GPC6: variants seen among roughly 807,000 people sequenced by gnomAD.
GPC6 encodes glypican-6.
In GPC6, 14 loss-of-function variants were observed where a neutral mutation model predicts 55.2. The ratio of observed to expected loss-of-function variants is 0.25; its 90% CI spans 0.17 to 0.40. GPC6 has a LOEUF of 0.40. GPC6 is among the 10% of genes least tolerant of loss of function. The pLI, the probability that GPC6 is intolerant of heterozygous loss-of-function variation, is 1.00. For missense variants in GPC6, 641 were observed against 708.5 expected (o/e 0.90, Z 1.08); for synonymous variants, 278 against 259.6 (o/e 1.07, Z -0.68).
intron 2 of GPC6, among the ~76,000 whole-genome samples, chr13:93,813,445 T>C (rs936781552): frequency 6.6e-6 from 1 of 152,170 alleles, no homozygotes; most frequent in Non-Finnish European, 1.5e-5. Context: ...CATATTTATT[T>C]ATAATAAGAA....
intron 4 of GPC6, among the ~76,000 whole-genome samples, chr13:94,113,307 T>G (rs1886315125): frequency 1.3e-5 from 2 of 152,104 alleles, no homozygotes; most frequent in South Asian, 4.1e-4. Context: ...AGTCTTGAGT[T>G]TTTATTTTTA....
intron 1 of GPC6, among the ~76,000 whole-genome samples, chr13:93,349,420 T>C (rs1212304580): frequency 6.6e-6 from 1 of 152,134 alleles, no homozygotes; most frequent in Non-Finnish European, 1.5e-5. Context: ...AGATTAGTTC[T>C]TCCTCTGCAG....
chr13:93,738,554 G>A (rs953689483), intron 2 of GPC6, among the ~76,000 whole-genome samples: 1 of 152,092 alleles, frequency 6.6e-6, no homozygotes, highest in African/African-American at 2.4e-5. Context: ...GAGCCAAAGA[G>A]ATTGTCAGCA....
At chr13:93,464,585 G>C (rs1878835818) in intron 1 of GPC6, among the ~76,000 whole-genome samples, 1 of 152,140 alleles carries the variant, frequency 6.6e-6, no homozygotes. Flanking sequence ...CACATCTTCA[G>C]TCTCCACTTC....
chr13:93,570,446 CAG>C (rs1876345543), intron 2 of GPC6, among the ~76,000 whole-genome samples: 2 of 152,052 alleles, frequency 1.3e-5, no homozygotes, highest in Non-Finnish European at 2.9e-5. Context: ...ATGTATTATG[CAG>C]AGTTATTTTA....
rs111679717 is a variant in GPC6 at position 94,223,580 on chromosome 13, G to A, written c.878-62769G>A. On this transcript the variant is annotated intron_variant, in intron 4 of 8. Transcript: ENST00000377047. ...TGCCAAGATGTTTTTTCCTCCCTGC[G>A]TAGCTCCATGAGGATAAAAATGCAA... Among the ~76,000 whole-genome samples the A allele has an allele frequency of 6.6e-3, 1,008 of 152,168 alleles. 14 individuals carry two copies. Among genetic ancestry groups the A allele is most frequent in the African/African-American group, 0.022 (928 of 41,516 alleles).
chr13:94,017,326 A>G (rs1217489465), intron 3 of GPC6, among the ~76,000 whole-genome samples: 1 of 152,124 alleles, frequency 6.6e-6, no homozygotes, highest in Non-Finnish European at 1.5e-5. Flanking sequence ...AAGAAGTATG[A>G]CTGGGTAATT....
intron 7 of GPC6, among the ~76,000 whole-genome samples, chr13:94,391,796 C>T (rs1261821372): frequency 6.6e-6 from 1 of 151,940 alleles, no homozygotes; most frequent in Non-Finnish European, 1.5e-5. Context: ...AACATAAATT[C>T]CCTCCCCTCT....
At chr13:94,261,898 T>G (rs1891668657) in intron 4 of GPC6, among the ~76,000 whole-genome samples, 1 of 152,228 alleles carries the variant, frequency 6.6e-6, no homozygotes, top group South Asian at 2.1e-4. Context: ...GGCTGTTCTT[T>G]TTCAGAAGCT....
intron 2 of GPC6, among the ~76,000 whole-genome samples, chr13:93,593,741 A>G (rs1432505759): frequency 2.0e-5 from 3 of 152,174 alleles, no homozygotes; most frequent in Admixed American, 2.0e-4. Flanking sequence ...AGTGATATTT[A>G]TTATGGCCAT....
intron 4 of GPC6, among the ~76,000 whole-genome samples, chr13:94,131,273 G>A (rs1886991358): frequency 6.6e-6 from 1 of 151,868 alleles, no homozygotes; most frequent in African/African-American, 2.4e-5. Context: ...TTATTTTTAT[G>A]GCTTTATTGT....
At chr13:93,437,393 A>T (rs1477560752) in intron 1 of GPC6, among the ~76,000 whole-genome samples, 1 of 152,194 alleles carries the variant, frequency 6.6e-6, no homozygotes, top group East Asian at 1.9e-4. Flanking sequence ...CTCTTGCGCC[A>T]AACAGTTAGC....
intron 3 of GPC6, among the ~76,000 whole-genome samples, chr13:93,923,861 G>T (rs1594591575): frequency 6.6e-6 from 1 of 152,110 alleles, no homozygotes; most frequent in South Asian, 2.1e-4. Flanking sequence ...TTATTACAGA[G>T]CAAGGCTAAT....
At chr13:93,978,005 C>G (rs778320813) in intron 3 of GPC6, among the ~76,000 whole-genome samples, 4 of 152,154 alleles carry the variant, frequency 2.6e-5, no homozygotes, top group Non-Finnish European at 5.9e-5. Context: ...GACCTTGACA[C>G]AGACAGACTA....
intron 4 of GPC6, among the ~76,000 whole-genome samples, chr13:94,088,747 GT>G (rs66767589): frequency 0.79 from 120,381 of 151,996 alleles, 48,003 homozygotes; most frequent in South Asian, 0.88. Context: ...TTTCAATATG[GT>G]TTTAGACTCC....
chr13:93,817,869 T>TATAG (rs10599851), intron 2 of GPC6, among the ~76,000 whole-genome samples: 346 of 146,898 alleles, frequency 2.4e-3, no homozygotes, highest in South Asian at 9.0e-3. Context: ...AAAAATAATG[T>TATAG]ATAGATAGAT....
Position 94,027,792 on chromosome 13 carries a change from G to A in GPC6, c.775G>A (p.Gly259Arg). 6.2e-7 allele frequency: 1 copy of A among 1,614,042 alleles called. No individual in the cohort carries two copies. The highest frequency in any genetic ancestry group is 8.5e-7 in the Non-Finnish European group (1 of 1,179,972). The change falls in exon 4 of 9, where the codon GGG becomes AGG. Residue 259 changes from glycine (G) to arginine (R), a missense_variant. Coordinates refer to ENST00000377047, the MANE Select transcript of GPC6 (RefSeq NM_005708.5). Reference sequence around the variant, plus strand: ...GATGCTGTACTGCCCATACTGTCGGGGGCTTCCCACTGTGAGGCCCTGCAA... The same window carrying A: ...GATGCTGTACTGCCCATACTGTCGGAGGCTTCCCACTGTGAGGCCCTGCAA... The part of the protein sequence containing the change: ...MKMLYCPYCR[G>R]LPTVRPCNNY...
intron 3 of GPC6, among the ~76,000 whole-genome samples, chr13:93,843,447 T>A (rs1888034208): frequency 1.3e-5 from 2 of 152,070 alleles, no homozygotes; most frequent in East Asian, 3.9e-4. Flanking sequence ...AAAGGGGAGA[T>A]AAGGAATGAG....
At chr13:94,247,678 C>G (rs1361492076) in intron 4 of GPC6, among the ~76,000 whole-genome samples, 1 of 152,022 alleles carries the variant, frequency 6.6e-6, no homozygotes, top group African/African-American at 2.4e-5. Context: ...TTAAGCCAGC[C>G]TTGCATGTTT....
Sources: gnomAD v4.1 joint callset for allele counts (sites outside exome capture counted in the v4.1 genomes callset) on GRCh38, gnomAD v4.1.1 for gene constraint, MANE v1.5 for transcripts, NCBI Gene and HGNC (gene_info 2026-07-23, HGNC 2026-07-21) for gene names.